The following NFIB variants were observed in gnomAD, a reference collection of about 807,000 sequenced individuals.
NFIB encodes the protein nuclear factor I B.
In NFIB, 11 loss-of-function variants were observed where a neutral mutation model predicts 61.5. That is an observed-to-expected ratio of 0.18 (90% CI 0.11 to 0.30). The LOEUF (loss-of-function observed/expected upper bound fraction) is 0.30. Ranked by LOEUF, NFIB falls within the 10% of genes least tolerant of loss-of-function variation. The pLI is 1.00. For synonymous variants in NFIB, 260 were observed against 216.5 expected, an observed-to-expected ratio of 1.20 and a Z score of -1.76; for missense variants, 471 against 608.9, an observed-to-expected ratio of 0.77 and a Z score of 2.38.
chr9:14,250,137 T>C (rs1373447649), intron 2 of NFIB, among the ~76,000 whole-genome samples: 1 of 152,192 alleles, frequency 6.6e-6, no homozygotes, highest in African/African-American at 2.4e-5. Flanking sequence ...TCACGCAGGA[T>C]TTTTAGCTCT....
intron 3 of NFIB, among the ~76,000 whole-genome samples, chr9:14,159,357 T>C (rs1215333498): frequency 6.6e-6 from 1 of 152,210 alleles, no homozygotes; most frequent in African/African-American, 2.4e-5. Context: ...TCAGAACTTC[T>C]TTGGAACCTA....
upstream of NFIB, chr9:14,314,256 A>G (rs2060435186): frequency 5.9e-6 from 4 of 682,328 alleles, no homozygotes; most frequent in Non-Finnish European, 7.3e-6. Flanking sequence ...CTGGGGCGGA[A>G]GAGGCTCGCG....
chr9:14,147,792 T>C lies in NFIB; in HGVS notation c.807-985A>G, dbSNP rs73411936. Among the ~76,000 whole-genome samples, 1,478 of 151,868 alleles carry C rather than the reference T, an allele frequency of 9.7e-3. 20 individuals carry two copies. Among genetic ancestry groups the C allele is most frequent in the African/African-American group, 0.026 (1,069 of 41,444 alleles). ...AAGTAGCTTGAACTATAGGTGCCTG[T>C]CACCACACCCAGCTGATTTTAGTAT... On this transcript the variant is annotated intron_variant, in intron 5 of 10. Transcript: ENST00000380953.
At chr9:14,513,358 G>A in the NFIB span, among the ~76,000 whole-genome samples, 11 of 152,144 alleles carry the variant, frequency 7.2e-5, no homozygotes, top group African/African-American at 2.7e-4. Flanking sequence ...GGCCGGGTGT[G>A]GTGGCTCACG....
intron 3 of NFIB, among the ~76,000 whole-genome samples, chr9:14,169,455 C>A (rs943409830): frequency 2.0e-5 from 3 of 152,108 alleles, no homozygotes; most frequent in African/African-American, 7.2e-5. Flanking sequence ...AGATTTGTAA[C>A]AACTTTGAAA....
rs539877715 is a variant in NFIB, at chr9:14,220,053, T to TACTA, written c.563-40277_563-40274dup. ...TCCCTGGTAAACTGTAATCTAGGCG[T>TACTA]ACTACACTTTCTGCATGTTGAGCCA... On this transcript the variant is annotated intron_variant, in intron 2 of 10. Transcript: ENST00000380953. 9.3e-3 allele frequency among the ~76,000 whole-genome samples: 1,420 copies of TACTA among 152,284 alleles called. 5 individuals carry two copies. The highest frequency in any genetic ancestry group is 0.015 in the Non-Finnish European group (1,024 of 68,030).
At chr9:14,193,390 A>ACTT (rs1176444163) in intron 2 of NFIB, among the ~76,000 whole-genome samples, 1 of 152,172 alleles carries the variant, frequency 6.6e-6, no homozygotes, top group Non-Finnish European at 1.5e-5. Context: ...GCCACAAACA[A>ACTT]CTTCGAAATG....
the NFIB span, among the ~76,000 whole-genome samples, chr9:14,415,032 C>G: frequency 1.3e-5 from 2 of 152,360 alleles, no homozygotes; most frequent in Admixed American, 6.5e-5. Context: ...TCAGAACACA[C>G]TTCAGCTGGG....
chr9:14,448,588 G>A, the NFIB span, among the ~76,000 whole-genome samples: 1 of 152,126 alleles, frequency 6.6e-6, no homozygotes, highest in South Asian at 2.1e-4. Flanking sequence ...ATGAATCTTT[G>A]GATTTGCAAA....
chr9:14,318,875 T>C (rs972181638), upstream of NFIB, among the ~76,000 whole-genome samples: 3 of 152,264 alleles, frequency 2.0e-5, no homozygotes, highest in Admixed American at 6.5e-5. Flanking sequence ...GCTCAGGTAA[T>C]CAAATTACCC....
the NFIB span, among the ~76,000 whole-genome samples, chr9:14,453,139 T>C: frequency 2.0e-5 from 3 of 152,226 alleles, no homozygotes; most frequent in African/African-American, 4.8e-5. Flanking sequence ...CTTTTGTGTA[T>C]TTAAAGGACA....
the NFIB span, among the ~76,000 whole-genome samples, chr9:14,436,331 T>A: frequency 6.6e-6 from 1 of 152,298 alleles, no homozygotes; most frequent in Non-Finnish European, 1.5e-5. Flanking sequence ...ATGCCACTAG[T>A]GGTGAATCTC....
At chr9:14,282,733 TC>T (rs1227728832) in intron 2 of NFIB, among the ~76,000 whole-genome samples, 1 of 152,200 alleles carries the variant, frequency 6.6e-6, no homozygotes, top group African/African-American at 2.4e-5. Context: ...AGGGCGACTT[TC>T]CCAAAGCTAC....
the NFIB span, among the ~76,000 whole-genome samples, chr9:14,414,876 T>C: frequency 1.3e-5 from 2 of 152,310 alleles, no homozygotes; most frequent in East Asian, 1.9e-4. Flanking sequence ...AAAAAATCCT[T>C]GTAGACTTCC....
chr9:14,453,747 C>T, the NFIB span, among the ~76,000 whole-genome samples: 1 of 152,114 alleles, frequency 6.6e-6, no homozygotes, highest in Admixed American at 6.6e-5. Context: ...AATTACTGCC[C>T]ACTTCTTTTG....
rs185404587 is a variant in NFIB at position 14,185,581 on chromosome 9, C to G, written c.563-5801G>C. Among the ~76,000 whole-genome samples the G allele has an allele frequency of 6.8e-4, 104 of 152,262 alleles. 4 individuals are homozygous for G. The East Asian group carries it at 0.017, about 26-fold the overall frequency. ...CAATATGACACGAAGTCTATTATTG[C>G]CCTATTTAGCCTTATAGCCCTAATC... is the stretch of plus-strand genomic sequence containing the variant. On this transcript the variant is annotated intron_variant, in intron 2 of 10. Transcript: ENST00000380953.
chr9:14,148,608 G>A (rs1035991913), intron 5 of NFIB, among the ~76,000 whole-genome samples: 10 of 152,098 alleles, frequency 6.6e-5, no homozygotes, highest in African/African-American at 2.4e-4. Context: ...CACATTTGGA[G>A]AGATTCAGTG....
chr9:14,427,006 A>G, the NFIB span, among the ~76,000 whole-genome samples: 313 of 152,308 alleles, frequency 2.1e-3, no homozygotes, highest in African/African-American at 7.3e-3. Flanking sequence ...GTCTCTGGAA[A>G]GGGACTACTC....
At chr9:14,240,414 A>C (rs1353374762) in intron 2 of NFIB, among the ~76,000 whole-genome samples, 1 of 152,200 alleles carries the variant, frequency 6.6e-6, no homozygotes, top group African/African-American at 2.4e-5. Flanking sequence ...AAAGAATTTA[A>C]ATTGCCTTCA....
Sources: allele counts gnomAD v4.1 joint callset (sites outside exome capture counted in the v4.1 genomes callset), GRCh38; gene constraint gnomAD v4.1.1; transcripts MANE v1.5; gene names NCBI Gene and HGNC (gene_info 2026-07-23, HGNC 2026-07-21).